ITGA10: variants seen among roughly 807,000 people sequenced by gnomAD.
The protein encoded by ITGA10 is integrin subunit alpha 10.
A neutral mutation model predicts 145.2 loss-of-function variants in ITGA10; 105 were observed. The ratio of observed to expected loss-of-function variants is 0.72; its 90% CI spans 0.62 to 0.85. ITGA10 has a LOEUF of 0.85. ITGA10 is among the 40% of genes least tolerant of loss of function. ITGA10 has a pLI of 0.00. For synonymous variants in ITGA10, 506 were observed against 557.8 expected (o/e 0.91, Z 1.31); for missense variants, 1,317 against 1,444.5 (o/e 0.91, Z 1.43).
Position 145,900,861 on chromosome 1 carries a change from C to A in ITGA10, c.1720G>T (p.Glu574Ter), listed in dbSNP as rs781934718. 6.2e-6 allele frequency: 10 copies of A among 1,614,114 alleles called. No individual in the cohort carries two copies. In the South Asian group the frequency reaches 1.1e-4, roughly 18 times the overall value. Residue 574 changes from glutamate (E) to a stop codon, truncating the protein, a stop_gained, in exon 14 of 30, where the codon GAA becomes TAA. Transcript: ENST00000369304. LOFTEE classifies it high-confidence loss of function. Reference sequence around the variant, plus strand: ...TACAGTGCTCCCTGGTGCCCATCTTCCAGAGGCGCCCCCACAGCCACATCA... The same window carrying A: ...TACAGTGCTCCCTGGTGCCCATCTTACAGAGGCGCCCCCACAGCCACATCA... ...FADVAVGAPLEDGHQGALYLY... is the reference protein window; with the variant it reads ...FADVAVGAPL
At position 145,897,878 on chromosome 1, in the gene ITGA10, C is replaced by A. The variant is rs1553745878; in HGVS notation, c.2369G>T (p.Gly790Val). The change falls in exon 19 of 30, where the codon GGC becomes GTC. Residue 790 changes from glycine (G) to valine (V), a missense_variant. Coordinates refer to ENST00000369304, the MANE Select transcript of ITGA10 (RefSeq NM_003637.5). ...QKLVPFSKDC[G>V]PDNECVTDLV... ...GTCTGTGACACATTCATTGTCAGGGCCACAATCCTTTGAGAAGGGGACCTG... is the reference window on the plus strand; with the variant it reads ...GTCTGTGACACATTCATTGTCAGGGACACAATCCTTTGAGAAGGGGACCTG... 1.9e-6 allele frequency: 3 copies of A among 1,613,922 alleles called. No homozygotes were observed. The highest frequency in any genetic ancestry group is 3.3e-5 in the Admixed American group (2 of 60,002).
rs781947797 is a variant in ITGA10, at chr1:145,892,785, C to T, written c.*13G>A. ...AGCTGCCAGGGAGGACTTTCTAGAC[C>T]CTTATTCTACATTCATTGCTCCAAC... On this transcript the variant is annotated 3_prime_UTR_variant, in exon 30 of 30. Coordinates refer to ENST00000369304, the MANE Select transcript of ITGA10 (RefSeq NM_003637.5). 2 of 1,604,692 alleles carry T rather than the reference C, an allele frequency of 1.2e-6. No homozygotes were observed. Among genetic ancestry groups the T allele is most frequent in the East Asian group, 4.5e-5 (2 of 44,844 alleles).
intron 1 of ITGA10, 167 bp from the exon 2 acceptor site, chr1:145,907,632 A>G (rs1425581268): frequency 7.1e-5 from 70 of 983,818 alleles, no homozygotes; most frequent in Non-Finnish European, 8.3e-5. Context: ...CCAGGCAAAG[A>G]TGATTCCCTT....
In ITGA10 at chr1:145,901,832, TTCCTCC is replaced by T; in HGVS notation, c.1294+39_1294+44del. The T allele has an allele frequency of 6.2e-7, 1 of 1,611,334 alleles. No homozygotes were observed. Among genetic ancestry groups the T allele is most frequent in the African/African-American group, 1.3e-5 (1 of 74,938 alleles). Reference sequence around the variant, plus strand: ...ATACCCGCCCCCACTAGGGATGTATTTCCTCCCCTACCCTGTAAGTCCTCTGCAACT... The same window carrying T: ...ATACCCGCCCCCACTAGGGATGTATTCCTACCCTGTAAGTCCTCTGCAACT... On this transcript the variant is annotated intron_variant, in intron 11 of 29. Transcript: ENST00000369304. The surrounding 1 kb of genome is among the most constrained non-coding windows in gnomAD (Gnocchi z 4.3).
intron 5 of ITGA10, chr1:145,905,997 G>A (rs989110016): frequency 3.8e-5 from 7 of 185,546 alleles, no homozygotes; most frequent in East Asian, 2.8e-4. Context: ...TTGGCTCACC[G>A]CAACCTCCAC....
chr1:145,904,138 C>G lies in ITGA10; in HGVS notation c.672G>C (p.Thr224=), dbSNP rs782014710. 2.5e-6 allele frequency: 4 copies of G among 1,614,070 alleles called. No homozygotes were observed. Among genetic ancestry groups the G allele is most frequent in the Admixed American group, 1.7e-5 (1 of 59,996 alleles). Residue 224 remains threonine (T), a synonymous_variant, in exon 7 of 30, where the codon ACG becomes ACC. Transcript: ENST00000369304. ...VHEWSLGDFR[T]KEEVVRAAKN... ...TTGCTGCTCTCACCACTTCTTCCTT[C>G]GTTCGGAAATCTCCCAGGGACCACT...
At chr1:145,894,949 T>C (rs771455073) in intron 27 of ITGA10, among the ~76,000 whole-genome samples, 75 of 152,176 alleles carry the variant, frequency 4.9e-4, no homozygotes, top group Non-Finnish European at 9.7e-4. Context: ...CAAATGTTGA[T>C]TGATACAGCA....
rs782035401 is a variant in ITGA10, at chr1:145,895,988, T to TA, written c.3027dup (p.Asn1010Ter). On this transcript the variant is annotated frameshift_variant, in exon 25 of 30. Transcript: ENST00000369304. LOFTEE classifies it high-confidence loss of function. The stretch of plus-strand genomic sequence containing the variant: ...CCCTCCTAGACCAGACTCACATTGT[T>TA]AGTGATGACTTGAGACAGTGATAGG... The TA allele has an allele frequency of 6.2e-7, 1 of 1,611,044 alleles. No homozygotes were observed.
At chr1:145,904,609 A>G in intron 6 of ITGA10, 75 bp downstream of exon 6, 1 of 1,536,052 alleles carries the variant, frequency 6.5e-7, no homozygotes, top group South Asian at 1.1e-5. Flanking sequence ...TCCTGGCCTC[A>G]GGGGATCCTC....
Position 145,906,824 on chromosome 1 carries a change from C to T in ITGA10, c.275G>A (p.Gly92Asp). The T allele has an allele frequency of 6.2e-7, 1 of 1,609,096 alleles. No individual in the cohort carries two copies. The highest frequency in any genetic ancestry group is 1.7e-5 in the Admixed American group (1 of 59,940). The stretch of plus-strand genomic sequence containing the variant: ...AGATGAATTTCCCAGTTGGTAGTCA[C>T]CTGGTTGGAAGGAGGTGGAAGAGAA... ...HNAPCAKGHL[G>D]DYQLGNSSHP... Residue 92 changes from glycine (G) to aspartate (D), a missense_variant and splice_region_variant, in exon 4 of 30, where the codon GGT becomes GAT. Transcript: ENST00000369304.
In ITGA10 at chr1:145,892,821, T is replaced by C. The variant is rs75496347; in HGVS notation, c.3481A>G (p.Arg1161Gly). ...ATTCATTGCTCCAACTTCTCTTCTC[T>C]TTTTTCTTCCTCAGGGATTTTCTTA... ...AHKKIPEEEK[R>G]EEKLEQ Residue 1161 changes from arginine (R) to glycine (G), a missense_variant, in exon 30 of 30, where the codon AGA becomes GGA. Transcript: ENST00000369304. 5.6e-3 allele frequency: 8,997 copies of C among 1,613,610 alleles called. 33 individuals carry two copies. The highest frequency in any genetic ancestry group is 6.7e-3 in the Non-Finnish European group (7,960 of 1,179,538).
In ITGA10 at chr1:145,905,011, T is replaced by C. The variant is rs587769682; in HGVS notation, c.482-200A>G. 2.0e-5 allele frequency among the ~76,000 whole-genome samples: 3 copies of C among 152,176 alleles called. No homozygotes were observed. In the East Asian group the frequency reaches 5.8e-4, roughly 29 times the overall value. On this transcript the variant is annotated intron_variant, in intron 5 of 29. Coordinates refer to ENST00000369304, the MANE Select transcript of ITGA10 (RefSeq NM_003637.5). The stretch of plus-strand genomic sequence containing the variant: ...TCTTTAGTAATTGTGTGTATGTAAG[T>C]ATACATATAAATGTATATATATGTA...
At chr1:145,895,888 A>G in intron 25 of ITGA10, 95 bp downstream of exon 25, 1 of 1,079,498 alleles carries the variant, frequency 9.3e-7, no homozygotes, top group South Asian at 1.4e-5. Flanking sequence ...CCAAGAGCAG[A>G]GGCCCAACAG....
intron 14 of ITGA10, among the ~76,000 whole-genome samples, 157 bp from the exon 15 acceptor site, chr1:145,900,344 T>G (rs1374058478): frequency 3.9e-5 from 6 of 152,212 alleles, no homozygotes; most frequent in Admixed American, 6.5e-5. Flanking sequence ...CTTGGCTCAC[T>G]GCAACCTCCG....
At position 145,902,768 on chromosome 1, in the gene ITGA10, C is replaced by G. The variant is rs374148048; in HGVS notation, c.909+43G>C. On this transcript the variant is annotated intron_variant, in intron 8 of 29. Transcript: ENST00000369304. The stretch of plus-strand genomic sequence containing the variant: ...TGGACAGTTCACAAGACACTGCCCC[C>G]CTGCCACTCCCCAACTCTTCCAGAT... 3.2e-6 allele frequency: 5 copies of G among 1,581,186 alleles called. No homozygotes were observed. The African/African-American group carries it at 6.7e-5, about 21-fold the overall frequency.
intron 1 of ITGA10, among the ~76,000 whole-genome samples, 171 bp downstream of exon 1, chr1:145,909,792 T>C (rs1657656044): frequency 6.6e-6 from 1 of 150,640 alleles, no homozygotes; most frequent in Non-Finnish European, 1.5e-5. Flanking sequence ...CAAACAGTCA[T>C]ATGTGAGGGC....
At chr1:145,907,642 TC>T in intron 1 of ITGA10, 177 bp from the exon 2 acceptor site, 1 of 982,002 alleles carries the variant, frequency 1.0e-6, no homozygotes, top group Non-Finnish European at 1.2e-6. Flanking sequence ...ATGATTCCCT[TC>T]CTGTGTTTGT....
At chr1:145,896,956 C>G in intron 22 of ITGA10, 55 bp downstream of exon 22, 1 of 1,557,004 alleles carries the variant, frequency 6.4e-7, no homozygotes, top group South Asian at 1.1e-5. Flanking sequence ...CCCCACCCCT[C>G]CAGTCAAGAC....
At chr1:145,902,179 G>T in intron 10 of ITGA10, 67 bp downstream of exon 10, 2 of 1,574,842 alleles carry the variant, frequency 1.3e-6, no homozygotes, top group South Asian at 1.1e-5. Flanking sequence ...GAATCTGGAG[G>T]GCCCTGTGGT....
Sources: allele counts gnomAD v4.1 joint callset (sites outside exome capture counted in the v4.1 genomes callset), GRCh38; gene constraint gnomAD v4.1.1; non-coding constraint Gnocchi (gnomAD v3.1); transcripts MANE v1.5; gene names NCBI Gene and HGNC (gene_info 2026-07-23, HGNC 2026-07-21).